Variants in SPTB observed in about 807,000 individuals in gnomAD.
SPTB encodes the protein spectrin beta chain, erythrocytic.
SPTB carries 45 observed loss-of-function variants against 256.2 expected under a neutral mutation model. That is an observed-to-expected ratio of 0.18 (90% CI 0.14 to 0.23). The LOEUF (loss-of-function observed/expected upper bound fraction) is 0.23, where lower values mean the gene tolerates loss of function less well. SPTB is among the 10% of genes least tolerant of loss of function. The pLI, the probability that SPTB is intolerant of heterozygous loss-of-function variation, is 1.00. For missense variants in SPTB, 2,715 were observed against 3,040.4 expected, an observed-to-expected ratio of 0.89 and a Z score of 2.52; for synonymous variants, 1,231 against 1,243.1, an observed-to-expected ratio of 0.99 and a Z score of 0.21.
At chr14:64,836,515 A>G (rs972440922) in intron 1 of SPTB, among the ~76,000 whole-genome samples, 39 of 152,146 alleles carry the variant, frequency 2.6e-4, no homozygotes, top group South Asian at 8.3e-4. Flanking sequence ...AACAAAAAAA[A>G]GGGTACGGTC....
intron 33 of SPTB, chr14:64,752,451 A>C: frequency 2.6e-6 from 1 of 386,526 alleles, no homozygotes; most frequent in African/African-American, 2.2e-5. Flanking sequence ...CTCCGCGCTC[A>C]GGGATCTTTC....
At chr14:64,773,474 G>C (rs1367514685) in intron 24 of SPTB, 50 bp from the exon 25 acceptor site, 3 of 1,600,184 alleles carry the variant, frequency 1.9e-6, no homozygotes, top group Non-Finnish European at 8.5e-7. Flanking sequence ...CACGAACCCA[G>C]AGCCGTGGCT....
rs1272998831 is a variant in SPTB, at chr14:64,847,387, A to C, written c.-51-24242T>G. On this transcript the variant is annotated intron_variant, in intron 1 of 35. Coordinates refer to ENST00000644917, the MANE Select transcript of SPTB (RefSeq NM_001355436.2). This position sits in a 1 kb window ranked among gnomAD's most constrained non-coding sequence, Gnocchi z 5.9. The stretch of plus-strand genomic sequence containing the variant: ...TCGTATCATGTCTCAGGCTAAGAGG[A>C]CCCCGATGTGGGCATCTAGGGGAGA... Among the ~76,000 whole-genome samples, 1 of 152,078 alleles carries C rather than the reference A, an allele frequency of 6.6e-6. No individual in the cohort carries two copies. The highest frequency in any genetic ancestry group is 1.5e-5 in the Non-Finnish European group (1 of 68,026).
Position 64,764,664 on chromosome 14 carries a change from C to T in SPTB, c.6345+2062G>A, listed in dbSNP as rs868258883. ...AGATGACACAGACAGTGGATGGAGTCGCTCTGGTGCTCACAGAGGAGCCCG... is the reference window on the plus strand; with the variant it reads ...AGATGACACAGACAGTGGATGGAGTTGCTCTGGTGCTCACAGAGGAGCCCG... On this transcript the variant is annotated intron_variant, in intron 32 of 35. Transcript: ENST00000644917. This position sits in a 1 kb window ranked among gnomAD's most constrained non-coding sequence, Gnocchi z 4.2. Among the ~76,000 whole-genome samples, 36 of 152,152 alleles carry T rather than the reference C, an allele frequency of 2.4e-4. No homozygotes were observed. Among genetic ancestry groups the T allele is most frequent in the African/African-American group, 7.2e-4 (30 of 41,434 alleles).
rs1301606869 is a variant in SPTB, at chr14:64,779,296, T to C, written c.4474-50A>G. The C allele has an allele frequency of 1.4e-6, 2 of 1,480,192 alleles. No individual in the cohort carries two copies. The highest frequency in any genetic ancestry group is 1.9e-6 in the Non-Finnish European group (2 of 1,067,046). The allele number at this position is 1,480,192 out of a possible 1,614,324, so 91.7% of individuals were successfully genotyped here. ...GAGCTGATGACAATCACGGCCAACC[T>C]TTCCTGAGTGCTCACCATGGGCGGC... On this transcript the variant is annotated intron_variant, in intron 21 of 35. Coordinates refer to ENST00000644917, the MANE Select transcript of SPTB (RefSeq NM_001355436.2). The surrounding 1 kb of genome is among the most constrained non-coding windows in gnomAD (Gnocchi z 4.2).
At chr14:64,863,961 T>C (rs764527804) in intron 1 of SPTB, among the ~76,000 whole-genome samples, 86 of 152,162 alleles carry the variant, frequency 5.7e-4, no homozygotes, top group Admixed American at 3.8e-3. Flanking sequence ...GTGAAGGTAT[T>C]TGAAGCCCTA....
rs373557486 is a variant in SPTB at position 64,779,745 on chromosome 14, G to A, written c.4453C>T (p.Arg1485Trp). ...CGCACCGTCTCATCCTCTAAGTCCC[G>A]GCTGATCTGCAGCTTGGCTCTGGAT... ...ESSRAKLQIS[R>W]DLEDETLWVE... Residue 1485 changes from arginine to tryptophan, a missense_variant, in exon 21 of 36, where the codon CGG becomes TGG. Arg to Trp is a moderately radical substitution (Grantham distance 101). Coordinates refer to ENST00000644917, the MANE Select transcript of SPTB (RefSeq NM_001355436.2). The surrounding 1 kb of genome is among the most constrained non-coding windows in gnomAD (Gnocchi z 4.2). The A allele has an allele frequency of 3.3e-5, 53 of 1,614,052 alleles. No individual in the cohort carries two copies. The highest frequency in any genetic ancestry group is 1.1e-4 in the South Asian group (10 of 91,072).
chr14:64,807,206 C>A lies in SPTB; in HGVS notation c.149-2116G>T, dbSNP rs1359482241. Among the ~76,000 whole-genome samples the A allele has an allele frequency of 6.6e-6, 1 of 152,142 alleles. No homozygotes were observed. The highest frequency in any genetic ancestry group is 2.4e-5 in the African/African-American group (1 of 41,428). On this transcript the variant is annotated intron_variant, in intron 2 of 35. Coordinates refer to ENST00000644917, the MANE Select transcript of SPTB (RefSeq NM_001355436.2). This position sits in a 1 kb window ranked among gnomAD's most constrained non-coding sequence, Gnocchi z 4.7. Reference sequence around the variant, plus strand: ...GACTAAGGGGGGTGAAAGTTTTAGCCCCTTTAGAGGTAGGTGTCCCCCAAA... The same window carrying A: ...GACTAAGGGGGGTGAAAGTTTTAGCACCTTTAGAGGTAGGTGTCCCCCAAA...
intron 1 of SPTB, among the ~76,000 whole-genome samples, chr14:64,865,119 A>G (rs1009304850): frequency 6.6e-6 from 1 of 152,096 alleles, no homozygotes; most frequent in Non-Finnish European, 1.5e-5. Context: ...CAATGTATAC[A>G]CGATTTCATT....
In SPTB at chr14:64,785,424, G is replaced by T; in HGVS notation, c.3855+113C>A. The T allele has an allele frequency of 1.1e-6, 1 of 949,050 alleles. No individual in the cohort carries two copies. The highest frequency in any genetic ancestry group is 1.7e-6 in the Non-Finnish European group (1 of 605,180). The allele number at this position is 949,050 out of a possible 1,614,324, so 58.8% of individuals were successfully genotyped here. ...AAGTACCCAGAGGTCCCCGCTCATG[G>T]AATCCCACAGCTCTTGAGCTAGAAA... On this transcript the variant is annotated intron_variant, in intron 18 of 35. Coordinates refer to ENST00000644917, the MANE Select transcript of SPTB (RefSeq NM_001355436.2). The surrounding 1 kb of genome is among the most constrained non-coding windows in gnomAD (Gnocchi z 4.4).
In SPTB at chr14:64,793,347, C is replaced by T. The variant is rs1462167911; in HGVS notation, c.2316G>A (p.Gly772=). 4 of 1,611,366 alleles carry T rather than the reference C, an allele frequency of 2.5e-6. No individual in the cohort carries two copies. In the South Asian group the frequency reaches 4.4e-5, roughly 18 times the overall value. The change falls in exon 14 of 36, where the codon GGG becomes GGA. Residue 772 remains glycine (G), a synonymous_variant. Coordinates refer to ENST00000644917, the MANE Select transcript of SPTB (RefSeq NM_001355436.2). This position sits in a 1 kb window ranked among gnomAD's most constrained non-coding sequence, Gnocchi z 7.0. ...AHRLLSGEDV[G]QDEGATRALG... ...GGGCCCGCGTGGCCCCTTCGTCCTG[C>T]CCCACATCTTCACCAGAGAGCAGCC...
At chr14:64,862,638 C>T (rs982853583) in intron 1 of SPTB, among the ~76,000 whole-genome samples, 13 of 151,890 alleles carry the variant, frequency 8.6e-5, no homozygotes, top group African/African-American at 2.9e-4. Flanking sequence ...CTTTGGGAGG[C>T]CGAGGTGGGC....
chr14:64,780,090 C>T (rs1356133272), intron 20 of SPTB, among the ~76,000 whole-genome samples, 159 bp from the exon 21 acceptor site: 1 of 152,180 alleles, frequency 6.6e-6, no homozygotes, highest in Non-Finnish European at 1.5e-5. Context: ...TTTCCCTCTT[C>T]TGAGTGCCTG....
At position 64,793,469 on chromosome 14, in the gene SPTB, C is replaced by G. The variant is rs868474604; in HGVS notation, c.2194G>C (p.Ala732Pro). 6.2e-7 allele frequency: 1 copy of G among 1,613,980 alleles called. No individual in the cohort carries two copies. Among genetic ancestry groups the G allele is most frequent in the African/African-American group, 1.3e-5 (1 of 74,934 alleles). Residue 732 changes from alanine to proline, a missense_variant, in exon 14 of 36, where the codon GCT becomes CCT. Physicochemically the swap from Ala to Pro is conservative, Grantham distance 27. This residue lies in a region of SPTB where 2,239 missense variants were observed against 2,384.4 expected (regional missense o/e 0.94). Coordinates refer to ENST00000644917, the MANE Select transcript of SPTB (RefSeq NM_001355436.2). The surrounding 1 kb of genome is among the most constrained non-coding windows in gnomAD (Gnocchi z 7.0). The part of the protein sequence containing the change: ...SAQWDQLKDL[A>P]AFCKKNLQDA... Reference sequence around the variant, plus strand: ...TGGAGGTTCTTCTTGCAGAAGGCAGCCAGGTCCTTCAGCTGGTCCCACTGT... The same window carrying G: ...TGGAGGTTCTTCTTGCAGAAGGCAGGCAGGTCCTTCAGCTGGTCCCACTGT...
At chr14:64,812,810 A>G (rs544075733) in intron 2 of SPTB, among the ~76,000 whole-genome samples, 26 of 152,254 alleles carry the variant, frequency 1.7e-4, no homozygotes, top group South Asian at 4.1e-4. Flanking sequence ...TGGAAGCTTC[A>G]TCTCCCATTT....
In SPTB at chr14:64,784,299, G is replaced by A. The variant is rs768710888; in HGVS notation, c.3950C>T (p.Ala1317Val). The A allele has an allele frequency of 8.1e-6, 13 of 1,614,074 alleles. No individual in the cohort carries two copies. Among genetic ancestry groups the A allele is most frequent in the South Asian group, 7.7e-5 (7 of 91,086 alleles). The change falls in exon 19 of 36, where the codon GCG becomes GTG. Residue 1317 changes from alanine to valine, a missense_variant. Coordinates refer to ENST00000644917, the MANE Select transcript of SPTB (RefSeq NM_001355436.2). ...NLHNKWLKHQ[A>V]FVAELASHEG... Reference sequence around the variant, plus strand: ...ATGGGAAGCCAGCTCTGCCACAAACGCCTGGTGCTTTAGCCATTTATTGTG... The same window carrying A: ...ATGGGAAGCCAGCTCTGCCACAAACACCTGGTGCTTTAGCCATTTATTGTG...
At position 64,782,413 on chromosome 14, in the gene SPTB, G is replaced by A. The variant is rs148504156; in HGVS notation, c.4143C>T (p.Ser1381=). ...KTQHLSAARS[S]DLRLQTHADL... ...CAGCATGGGTCTGCAAGCGCAGGTCGGAGCTCCTGGCAGCCGAGAGGTGCT... is the reference window on the plus strand; with the variant it reads ...CAGCATGGGTCTGCAAGCGCAGGTCAGAGCTCCTGGCAGCCGAGAGGTGCT... Residue 1381 remains serine, a synonymous_variant, in exon 20 of 36, where the codon TCC becomes TCT. Transcript: ENST00000644917. 122 of 1,614,148 alleles carry A rather than the reference G, an allele frequency of 7.6e-5. No homozygotes were observed. The East Asian group carries it at 2.0e-3, about 27-fold the overall frequency.
chr14:64,836,186 C>T (rs541514482), intron 1 of SPTB, among the ~76,000 whole-genome samples: 1 of 152,176 alleles, frequency 6.6e-6, no homozygotes, highest in African/African-American at 2.4e-5. Context: ...GAGGATGGGG[C>T]CATAAGGTGG....
chr14:64,753,216 T>C (rs1348011724), intron 33 of SPTB, among the ~76,000 whole-genome samples: 1 of 152,206 alleles, frequency 6.6e-6, no homozygotes, highest in African/African-American at 2.4e-5. Context: ...AAGTGCCTAC[T>C]GTGTGCCAGG....
Sources: gnomAD v4.1 joint callset for allele counts (sites outside exome capture counted in the v4.1 genomes callset) on GRCh38, gnomAD v4.1.1 for gene constraint, gnomAD v4.1.1 regional missense constraint, Gnocchi (gnomAD v3.1) non-coding constraint, MANE v1.5 for transcripts, NCBI Gene and HGNC (gene_info 2026-07-23, HGNC 2026-07-21) for gene names.